The following BTN2A1 variants were observed in gnomAD, a reference collection of about 807,000 sequenced individuals.
BTN2A1 encodes the protein butyrophilin, subfamily 2, member A1.
Under a neutral mutation model 34.5 loss-of-function variants are expected in BTN2A1, and 41 were observed. The ratio of observed to expected loss-of-function variants is 1.19; its 90% CI spans 0.93 to 1.54. The LOEUF is 1.54. Ranked by LOEUF, BTN2A1 falls within the 40% of genes most tolerant of loss-of-function variation. The probability of loss-of-function intolerance (pLI) is 0.00; values close to 1 mark genes in which losing one functional copy is unlikely to be tolerated. For missense variants in BTN2A1, 642 were observed against 662.0 expected (o/e 0.97, Z 0.33); for synonymous variants, 267 against 258.6 (o/e 1.03, Z -0.31).
At chr6:26,462,694 G>A in intron 3 of BTN2A1, 6 of 722,072 alleles carry the variant, frequency 8.3e-6, no homozygotes, top group South Asian at 7.5e-5. Flanking sequence ...CGGTGGTTAT[G>A]TGAAGTTCTG....
chr6:26,468,566 TCA>T lies in BTN2A1; in HGVS notation c.*20_*21del, dbSNP rs1323826126. ...AGCCTATAGAATCAATTCCTTGGTC[TCA>T]CAGCCATGTAGACAAGCCCTGGTCA... On this transcript the variant is annotated 3_prime_UTR_variant, in exon 8 of 8. Coordinates refer to ENST00000312541, the MANE Select transcript of BTN2A1 (RefSeq NM_007049.5). 1 of 1,614,102 alleles carries T rather than the reference TCA, an allele frequency of 6.2e-7. No individual in the cohort carries two copies. Among genetic ancestry groups the T allele is most frequent in the South Asian group, 1.1e-5 (1 of 91,078 alleles).
In BTN2A1 at chr6:26,467,813, T is replaced by A. The variant is rs1349548702; in HGVS notation, c.983-135T>A. 17 of 1,558,306 alleles carry A rather than the reference T, an allele frequency of 1.1e-5. No individual in the cohort carries two copies. In the African/African-American group the frequency reaches 2.2e-4, roughly 20 times the overall value. ...TTCTCAGTGTGTGAGCTGCCTAGGA[T>A]CAGAGAGCCTTCATGGAAGTGGCCA... On this transcript the variant is annotated intron_variant, in intron 7 of 7. Coordinates refer to ENST00000312541, the MANE Select transcript of BTN2A1 (RefSeq NM_007049.5).
rs769398312 is a variant in BTN2A1, at chr6:26,463,234, C to T, written c.431-10C>T. 8 of 1,562,452 alleles carry T rather than the reference C, an allele frequency of 5.1e-6. No individual in the cohort carries two copies. ...CTGACTTTTGCCTGAACCCTGATAT[C>T]TCTCCACAGGACTAGGCTCTAAGCC... On this transcript the variant is annotated splice_polypyrimidine_tract_variant and intron_variant, in intron 3 of 7. Transcript: ENST00000312541.
At position 26,468,429 on chromosome 6, in the gene BTN2A1, C is replaced by G. The variant is rs151013448; in HGVS notation, c.1464C>G (p.Phe488Leu). 2 of 1,614,054 alleles carry G rather than the reference C, an allele frequency of 1.2e-6. No individual in the cohort carries two copies. The highest frequency in any genetic ancestry group is 8.5e-7 in the Non-Finnish European group (1 of 1,180,024). ...SAFSVPVRPFFRLGCEDSPIF... is the reference protein window; with the variant it reads ...SAFSVPVRPFLRLGCEDSPIF... ...TTTCCGTGCCTGTGAGGCCCTTCTTCAGGTTGGGGTGTGAGGACAGCCCCA... is the reference window on the plus strand; with the variant it reads ...TTTCCGTGCCTGTGAGGCCCTTCTTGAGGTTGGGGTGTGAGGACAGCCCCA... Residue 488 changes from phenylalanine (F) to leucine (L), a missense_variant, in exon 8 of 8, where the codon TTC becomes TTG. Physicochemically the swap from Phe to Leu is conservative, Grantham distance 22. Coordinates refer to ENST00000312541, the MANE Select transcript of BTN2A1 (RefSeq NM_007049.5).
chr6:26,465,872 C>T (rs1170005504), intron 5 of BTN2A1, 81 bp from the exon 6 acceptor site: 12 of 1,602,374 alleles, frequency 7.5e-6, no homozygotes, highest in Admixed American at 5.2e-5. Context: ...ATAGAAAGGA[C>T]GGTTCCTGCA....
rs373156116 is a variant in BTN2A1 at position 26,458,759 on chromosome 6, G to A, written c.82+41G>A. 1.2e-4 allele frequency: 189 copies of A among 1,604,048 alleles called. 1 individual carries two copies. In the Middle Eastern group the frequency reaches 4.3e-3, roughly 36 times the overall value. On this transcript the variant is annotated intron_variant, in intron 2 of 7. Transcript: ENST00000312541. The stretch of plus-strand genomic sequence containing the variant: ...ACTTGCTGCTGTCACCTATCAGAAA[G>A]GAACATCAACCCTGTAGTCTGCAAA...
exon 8 of BTN2A1, chr6:26,476,213 A>C: frequency 1.3e-6 from 2 of 1,512,504 alleles, no homozygotes; most frequent in Middle Eastern, 1.7e-4. Context: ...CACTGGAGAG[A>C]AGACACAGCA....
rs2113868674 is a variant in BTN2A1, at chr6:26,469,407, G to A, written c.*858G>A. On this transcript the variant is annotated 3_prime_UTR_variant, in exon 8 of 8. Transcript: ENST00000312541. ...TGATGGAGGATTCCAAAGAGTTTTT[G>A]TTTATTTGGGTTAATATTTGTTGGT... The A allele has an allele frequency of 2.2e-6, 2 of 902,018 alleles. No homozygotes were observed. Among genetic ancestry groups the A allele is most frequent in the South Asian group, 5.1e-5 (1 of 19,580 alleles). 55.9% of individuals were successfully genotyped at this position (902,018 alleles called of 1,614,324 possible).
chr6:26,458,756 A>G, intron 2 of BTN2A1, 38 bp downstream of exon 2: 1 of 1,605,320 alleles, frequency 6.2e-7, no homozygotes, highest in Non-Finnish European at 8.5e-7. Flanking sequence ...CACCTATCAG[A>G]AAGGAACATC....
At chr6:26,464,994 T>A (rs952601634) in intron 4 of BTN2A1, among the ~76,000 whole-genome samples, 191 bp from the exon 5 acceptor site, 6 of 152,216 alleles carry the variant, frequency 3.9e-5, no homozygotes, top group African/African-American at 1.4e-4. Context: ...TTGCTACCTC[T>A]GGGCCTTGGC....
At chr6:26,466,205 G>A (rs1763312130) in intron 7 of BTN2A1, 117 bp downstream of exon 7, 4 of 1,501,512 alleles carry the variant, frequency 2.7e-6, no homozygotes. Context: ...CAGGGAACGG[G>A]GGTCAGTTCA....
intron 7 of BTN2A1, chr6:26,467,658 T>C: frequency 1.3e-6 from 2 of 1,492,736 alleles, no homozygotes; most frequent in Non-Finnish European, 1.8e-6. Flanking sequence ...CTTAGAATGC[T>C]GAGAGAAAGT....
chr6:26,465,717 T>C (rs1404708934), intron 5 of BTN2A1: 12 of 677,206 alleles, frequency 1.8e-5, no homozygotes, highest in African/African-American at 2.2e-5. Flanking sequence ...CCACCTTGCA[T>C]TCATTCATCT....
chr6:26,457,971 ATCT>A lies in BTN2A1; in HGVS notation c.-201_-199del, dbSNP rs34274364. ...CAGGAGACCAGATTTCGTTTCCTGC[ATCT>A]CCAAACATGGCGACCTAGGAGAAGG... On this transcript the variant is annotated 5_prime_UTR_variant, in exon 1 of 8. Transcript: ENST00000312541. 0.11 allele frequency: 16,271 copies of A among 152,368 alleles called. 2,443 individuals carry two copies. The highest frequency in any genetic ancestry group is 0.34 in the African/African-American group (13,892 of 41,412). 9.4% of individuals were successfully genotyped at this position (152,368 alleles called of 1,614,324 possible). A position where few individuals can be genotyped will look rare whatever the true frequency, so the allele number is the denominator to read the frequency against.
In BTN2A1 at chr6:26,468,221, A is replaced by G. The variant is rs186440261; in HGVS notation, c.1256A>G (p.Asn419Ser). The G allele has an allele frequency of 1.1e-5, 18 of 1,614,172 alleles. No homozygotes were observed. Among genetic ancestry groups the G allele is most frequent in the Middle Eastern group, 1.6e-4 (1 of 6,062 alleles). The change falls in exon 8 of 8, where the codon AAT becomes AGT. Residue 419 changes from asparagine to serine, a missense_variant. Coordinates refer to ENST00000312541, the MANE Select transcript of BTN2A1 (RefSeq NM_007049.5). Reference sequence around the variant, plus strand: ...GGGGAGGTCCTGCTGATTCCTCAGAATGGCTTCTGGACCTTGGAGATGCAT... The same window carrying G: ...GGGGAGGTCCTGCTGATTCCTCAGAGTGGCTTCTGGACCTTGGAGATGCAT... ...RKGEVLLIPQNGFWTLEMHKG... is the reference protein window; with the variant it reads ...RKGEVLLIPQSGFWTLEMHKG...
In BTN2A1 at chr6:26,466,108, C is replaced by T. The variant is rs764996497; in HGVS notation, c.982+20C>T. On this transcript the variant is annotated intron_variant, in intron 7 of 7. Coordinates refer to ENST00000312541, the MANE Select transcript of BTN2A1 (RefSeq NM_007049.5). Reference sequence around the variant, plus strand: ...ATGCTGGTGAGTGCCTCTGATGTTCCCTCAGATCTCAGCTTTCTCCACACT... The same window carrying T: ...ATGCTGGTGAGTGCCTCTGATGTTCTCTCAGATCTCAGCTTTCTCCACACT... The T allele has an allele frequency of 4.4e-5, 71 of 1,612,996 alleles. No homozygotes were observed. Among genetic ancestry groups the T allele is most frequent in the Middle Eastern group, 1.9e-4 (1 of 5,244 alleles).
intron 7 of BTN2A1, 37 bp downstream of exon 7, chr6:26,466,125 C>G: frequency 6.2e-7 from 1 of 1,612,848 alleles, no homozygotes; most frequent in South Asian, 1.1e-5. Flanking sequence ...TCTCAGCTTT[C>G]TCCACACTAG....
At chr6:26,472,189 A>G (rs1464583501), downstream of BTN2A1, among the ~76,000 whole-genome samples, 1 of 152,170 alleles carries the variant, frequency 6.6e-6, no homozygotes, top group Non-Finnish European at 1.5e-5. Context: ...TCCAAAGTCC[A>G]TATTCTAGAT....
chr6:26,464,532 C>T (rs1763256652), intron 4 of BTN2A1, among the ~76,000 whole-genome samples: 2 of 152,080 alleles, frequency 1.3e-5, no homozygotes, highest in African/African-American at 4.8e-5. Context: ...CATCTGATGG[C>T]AAGGAGTCAT....
Sources: gnomAD v4.1 joint callset for allele counts (sites outside exome capture counted in the v4.1 genomes callset) on GRCh38, gnomAD v4.1.1 for gene constraint, MANE v1.5 for transcripts, NCBI Gene and HGNC (gene_info 2026-07-23, HGNC 2026-07-21) for gene names.